Variants in CABIN1 observed in about 807,000 individuals in gnomAD.
The protein encoded by CABIN1 is calcineurin binding protein 1.
CABIN1 carries 133 observed loss-of-function variants against 227.7 expected under a neutral mutation model. The observed-to-expected ratio is 0.58, with a 90% CI of 0.51 to 0.67. The LOEUF (loss-of-function observed/expected upper bound fraction) is 0.67. CABIN1 is among the 30% of genes least tolerant of loss of function. The pLI, the probability that CABIN1 is intolerant of heterozygous loss-of-function variation, is 0.00. For missense variants in CABIN1, 2,408 were observed against 2,852.5 expected, an observed-to-expected ratio of 0.84 and a Z score of 3.55; for synonymous variants, 1,086 against 1,155.1, an observed-to-expected ratio of 0.94 and a Z score of 1.21.
chr22:24,148,949 C>T (rs941687776), intron 29 of CABIN1, among the ~76,000 whole-genome samples: 1 of 152,252 alleles, frequency 6.6e-6, no homozygotes, highest in African/African-American at 2.4e-5. Flanking sequence ...AATTTGCCCT[C>T]TTTCCCTTTC....
chr22:24,175,856 C>G (rs1252674687), intron 34 of CABIN1: 5 of 581,364 alleles, frequency 8.6e-6, no homozygotes, highest in South Asian at 7.8e-5. Flanking sequence ...CCCACTGGGT[C>G]AGGTGTATAG....
At chr22:24,027,815 G>T (rs1324911161) in intron 1 of CABIN1, among the ~76,000 whole-genome samples, 1 of 152,218 alleles carries the variant, frequency 6.6e-6, no homozygotes, top group East Asian at 1.9e-4. Flanking sequence ...CAGTTTCCAG[G>T]ACTGTGAGCC....
chr22:24,081,368 C>T (rs769340673), intron 19 of CABIN1, among the ~76,000 whole-genome samples: 2 of 152,124 alleles, frequency 1.3e-5, no homozygotes, highest in African/African-American at 4.8e-5. Flanking sequence ...ATTTTCTCTT[C>T]TCAAGTCAAT....
intron 2 of CABIN1, 42 bp downstream of exon 2, chr22:24,035,562 T>C (rs775798611): frequency 1.2e-5 from 19 of 1,612,974 alleles, no homozygotes; most frequent in Non-Finnish European, 1.5e-5. Context: ...CTCAGTGTTC[T>C]TTTGTTACGT....
At chr22:24,027,621 T>C (rs924398274) in intron 1 of CABIN1, among the ~76,000 whole-genome samples, 1 of 152,232 alleles carries the variant, frequency 6.6e-6, no homozygotes, top group Non-Finnish European at 1.5e-5. Flanking sequence ...GATCTGCCTT[T>C]ATGAGTGGAT....
At chr22:24,167,434 C>T in intron 32 of CABIN1, 121 bp downstream of exon 32, 1 of 808,756 alleles carries the variant, frequency 1.2e-6, no homozygotes, top group South Asian at 1.7e-5. Context: ...GTGTTGTTCC[C>T]ACACCATCCC....
At chr22:24,046,575 G>A (rs1045535933) in intron 6 of CABIN1, among the ~76,000 whole-genome samples, 3 of 152,156 alleles carry the variant, frequency 2.0e-5, no homozygotes, top group South Asian at 2.1e-4. Context: ...AAGAAGTTAT[G>A]CTTGGTAAAC....
chr22:24,059,732 A>G (rs916328300), intron 11 of CABIN1, among the ~76,000 whole-genome samples, 192 bp from the exon 12 acceptor site: 6 of 152,318 alleles, frequency 3.9e-5, no homozygotes, highest in African/African-American at 1.2e-4. Context: ...GAGAGGCTCA[A>G]TCATAGCTGC....
chr22:24,152,821 G>A (rs1243835890), intron 29 of CABIN1, among the ~76,000 whole-genome samples: 1 of 152,078 alleles, frequency 6.6e-6, no homozygotes, highest in African/African-American at 2.4e-5. Context: ...GTGGTGGTGT[G>A]TGCCTGTAAT....
At chr22:24,062,175 A>G (rs2039240658) in intron 13 of CABIN1, 150 bp downstream of exon 13, 1 of 704,606 alleles carries the variant, frequency 1.4e-6, no homozygotes, top group Admixed American at 2.0e-5. Context: ...TCCCAGGGAA[A>G]TCTCCTGGAT....
At chr22:24,140,223 T>C (rs1258671844) in intron 29 of CABIN1, among the ~76,000 whole-genome samples, 1 of 152,198 alleles carries the variant, frequency 6.6e-6, no homozygotes, top group Non-Finnish European at 1.5e-5. Flanking sequence ...ATGTCAGCTT[T>C]GCTGACAGGA....
intron 26 of CABIN1, among the ~76,000 whole-genome samples, chr22:24,105,241 C>T (rs1422831821): frequency 6.6e-6 from 1 of 152,146 alleles, no homozygotes; most frequent in Non-Finnish European, 1.5e-5. Flanking sequence ...GCAAATCCCA[C>T]CCTGGAAGTA....
At chr22:24,045,875 C>T (rs1244124855) in intron 6 of CABIN1, among the ~76,000 whole-genome samples, 2 of 152,160 alleles carry the variant, frequency 1.3e-5, no homozygotes, top group African/African-American at 2.4e-5. Flanking sequence ...TTCTTGTTCT[C>T]CATAACCACT....
chr22:24,060,913 T>A (rs186069440), intron 12 of CABIN1, among the ~76,000 whole-genome samples: 8 of 151,776 alleles, frequency 5.3e-5, no homozygotes, highest in African/African-American at 1.4e-4. Flanking sequence ...AAAAAAAAAA[T>A]TTGTTTTGTT....
intron 8 of CABIN1, among the ~76,000 whole-genome samples, chr22:24,054,458 C>T (rs2038620456): frequency 6.6e-6 from 1 of 152,212 alleles, no homozygotes; most frequent in African/African-American, 2.4e-5. Flanking sequence ...GGCAGTCCCC[C>T]ACAGGCTCTC....
chr22:24,133,107 A>AG (rs938762921), intron 28 of CABIN1, among the ~76,000 whole-genome samples: 2 of 152,116 alleles, frequency 1.3e-5, no homozygotes, highest in African/African-American at 4.8e-5. Context: ...TGGGGCAGGC[A>AG]GGGGGTCCCT....
At chr22:24,053,178 C>T (rs1203759534) in intron 8 of CABIN1, among the ~76,000 whole-genome samples, 1 of 148,414 alleles carries the variant, frequency 6.7e-6, no homozygotes, top group Non-Finnish European at 1.5e-5. Context: ...CCTGGGTTCA[C>T]GCCATTCTTC....
chr22:24,110,531 C>T (rs890265639), intron 26 of CABIN1, among the ~76,000 whole-genome samples: 2 of 152,160 alleles, frequency 1.3e-5, no homozygotes, highest in Non-Finnish European at 2.9e-5. Flanking sequence ...CAAGTTTTAT[C>T]TGGCTTCATA....
chr22:24,144,809 A>G lies in CABIN1; in HGVS notation c.4746+10394A>G, dbSNP rs189307824. ...GCTGTGCTCCGTGTTGCTGTGCTCA[A>G]TGTGACTGCACAGCCCAGCCTTCCC... On this transcript the variant is annotated intron_variant, in intron 29 of 36. Coordinates refer to ENST00000263119, the MANE Select transcript of CABIN1 (RefSeq NM_012295.4). Among the ~76,000 whole-genome samples, 74 of 152,318 alleles carry G rather than the reference A, an allele frequency of 4.9e-4. 1 individual carries two copies. The highest frequency in any genetic ancestry group is 1.3e-3 in the African/African-American group (52 of 41,566).
Sources: gnomAD v4.1 joint callset for allele counts (sites outside exome capture counted in the v4.1 genomes callset) on GRCh38, gnomAD v4.1.1 for gene constraint, MANE v1.5 for transcripts, NCBI Gene and HGNC (gene_info 2026-07-23, HGNC 2026-07-21) for gene names.